Variants in SPTA1 observed in about 807,000 individuals in gnomAD.
SPTA1 encodes the protein spectrin alpha chain, erythrocytic 1.
Under a neutral mutation model 324.7 loss-of-function variants are expected in SPTA1, and 177 were observed. The observed-to-expected ratio is 0.55, with a 90% confidence interval of 0.48 to 0.62. The LOEUF (loss-of-function observed/expected upper bound fraction) is 0.62. Among genes scored for constraint, SPTA1 ranks in the 20% least tolerant of loss-of-function variants. The pLI is 0.00. For synonymous variants in SPTA1, 1,195 were observed against 1,041.3 expected (o/e 1.15, Z -2.84); for missense variants, 3,162 against 2,883.6 (o/e 1.10, Z -2.21).
Position 158,645,325 on chromosome 1 carries a change from C to T in SPTA1, c.4057G>A (p.Ala1353Thr), listed in dbSNP as rs1448728630. Reference protein sequence around the residue: ...PTFQALEDFSAELIDSGHHAS... With the variant: ...PTFQALEDFSTELIDSGHHAS... ...TGGTGCCCACTGTCGATAAGTTCTG[C>T]ACTGAAGTCCTCTAAGGCCTGGAAG... Residue 1353 changes from alanine to threonine, a missense_variant, in exon 29 of 52, where the codon GCA becomes ACA. Transcript: ENST00000643759. 1.2e-6 allele frequency: 2 copies of T among 1,613,926 alleles called. No homozygotes were observed. Among genetic ancestry groups the T allele is most frequent in the Non-Finnish European group, 1.7e-6 (2 of 1,179,978 alleles).
chr1:158,685,287 G>T lies in SPTA1; in HGVS notation c.85C>A (p.Gln29Lys). The T allele has an allele frequency of 6.2e-7, 1 of 1,613,864 alleles. No homozygotes were observed. The highest frequency in any genetic ancestry group is 8.5e-7 in the Non-Finnish European group (1 of 1,179,866). Residue 29 changes from glutamine (Q) to lysine (K), a missense_variant, in exon 2 of 52, where the codon CAG becomes AAG. By Grantham distance (53) the Gln-to-Lys change is moderately conservative. Transcript: ENST00000643759. The part of the protein sequence containing the change: ...ETAEEIQERR[Q>K]EVLTRYQSFK... ...CTTTGATACCGAGTCAACACTTCCTGACGCCTCTCCTGGATCTCTTCTGCT... is the reference window on the plus strand; with the variant it reads ...CTTTGATACCGAGTCAACACTTCCTTACGCCTCTCCTGGATCTCTTCTGCT...
At chr1:158,673,223 TA>T (rs10715247) in intron 10 of SPTA1, among the ~76,000 whole-genome samples, 147,294 of 152,110 alleles carry the variant, frequency 0.97, 71,434 homozygotes, top group East Asian at 1. Flanking sequence ...CTTGTTAAAA[TA>T]AAAAAAAACT....
intron 12 of SPTA1, 22 bp downstream of exon 12, chr1:158,671,321 C>A (rs1435738253): frequency 6.2e-7 from 1 of 1,602,362 alleles, no homozygotes; most frequent in African/African-American, 1.3e-5. Flanking sequence ...AGCCAATGCC[C>A]AAACTAGGGC....
Position 158,651,456 on chromosome 1 carries a change from T to C in SPTA1, c.3388A>G (p.Asn1130Asp), listed in dbSNP as rs761935990. 2 of 1,612,552 alleles carry C rather than the reference T, an allele frequency of 1.2e-6. No homozygotes were observed. Among genetic ancestry groups the C allele is most frequent in the Non-Finnish European group, 1.7e-6 (2 of 1,178,740 alleles). ...FDEFQKDLNTNEPRLRDINKV... is the reference protein window; with the variant it reads ...FDEFQKDLNTDEPRLRDINKV... ...TTGATATCCCTTAGCCGAGGCTCAT[T>C]GGTATTCAAATCCTGAATGGGAAAA... Residue 1130 changes from asparagine to aspartate, a missense_variant, in exon 24 of 52, where the codon AAT (asparagine) becomes GAT (aspartate). Transcript: ENST00000643759.
chr1:158,649,495 C>G (rs1652260164), intron 25 of SPTA1, among the ~76,000 whole-genome samples: 1 of 152,058 alleles, frequency 6.6e-6, no homozygotes, highest in Non-Finnish European at 1.5e-5. Flanking sequence ...CTTTGTTGCC[C>G]AGGTTGGTCT....
At position 158,638,104 on chromosome 1, in the gene SPTA1, G is replaced by A. The variant is rs200945419; in HGVS notation, c.5118C>T (p.His1706=). 3,516 of 1,613,980 alleles carry A rather than the reference G, an allele frequency of 2.2e-3. 5 individuals carry two copies. Among genetic ancestry groups the A allele is most frequent in the Non-Finnish European group, 2.7e-3 (3,142 of 1,179,954 alleles). The part of the protein sequence containing the change: ...LNVQELAAAH[H]EKLKEAYALF... ...AGGCATAGGCCTCTTTCAATTTTTC[G>A]TGGTGTGCAGCTGCCAATTCTTGGA... is the stretch of plus-strand genomic sequence containing the variant. The change falls in exon 36 of 52, where the codon CAC becomes CAT. Residue 1706 remains histidine (H), a synonymous_variant. Coordinates refer to ENST00000643759, the MANE Select transcript of SPTA1 (RefSeq NM_003126.4).
chr1:158,654,854 CTGGCTGGAACCTCTTACG>C, intron 20 of SPTA1, 106 bp from the exon 21 acceptor site: 1 of 1,491,876 alleles, frequency 6.7e-7, no homozygotes, highest in Non-Finnish European at 9.2e-7. Flanking sequence ...AAAAGAGCCT[CTGGCTGGAACCTCTTACG>C]TGGCTGCAGA....
At position 158,676,644 on chromosome 1, in the gene SPTA1, G is replaced by T. The variant is rs192147573; in HGVS notation, c.958-349C>A. Among the ~76,000 whole-genome samples the T allele has an allele frequency of 2.6e-3, 393 of 152,162 alleles. 2 individuals carry two copies. Among genetic ancestry groups the T allele is most frequent in the African/African-American group, 8.4e-3 (349 of 41,524 alleles). ...TCAGCTAGAAAATGTCAGGAGCAAG[G>T]TTCCAAACTAAGTTTTTCCTTCCCC... On this transcript the variant is annotated intron_variant, in intron 7 of 51. Coordinates refer to ENST00000643759, the MANE Select transcript of SPTA1 (RefSeq NM_003126.4).
At chr1:158,678,747 T>C (rs999564351) in intron 5 of SPTA1, among the ~76,000 whole-genome samples, 3 of 152,116 alleles carry the variant, frequency 2.0e-5, no homozygotes, top group African/African-American at 7.2e-5. Context: ...AGATGTTGCA[T>C]CTGTGCCCAC....
At chr1:158,643,546 T>C (rs1264322052) in intron 30 of SPTA1, 121 bp from the exon 31 acceptor site, 10 of 935,658 alleles carry the variant, frequency 1.1e-5, no homozygotes, top group Non-Finnish European at 1.3e-5. Context: ...ATACTCAGGG[T>C]CAAATAATAT....
At chr1:158,678,177 A>AT (rs1654528494) in intron 6 of SPTA1, among the ~76,000 whole-genome samples, 1 of 151,946 alleles carries the variant, frequency 6.6e-6, no homozygotes, top group Non-Finnish European at 1.5e-5. Context: ...TACCAATGCT[A>AT]CTTTTTTAGT....
intron 14 of SPTA1, 53 bp from the exon 15 acceptor site, chr1:158,668,115 A>G: frequency 6.4e-7 from 1 of 1,569,484 alleles, no homozygotes; most frequent in Admixed American, 1.7e-5. Flanking sequence ...AATGAGGGAC[A>G]GAAATTTTGA....
At position 158,686,643 on chromosome 1, in the gene SPTA1, A is replaced by G. The variant is rs201226811; in HGVS notation, c.-126T>C. The G allele has an allele frequency of 1.1e-4, 50 of 436,470 alleles. No individual in the cohort carries two copies. The highest frequency in any genetic ancestry group is 6.0e-4 in the African/African-American group (9 of 14,896). 27.0% of individuals were successfully genotyped at this position (436,470 alleles called of 1,614,324 possible). A position where few individuals can be genotyped will look rare whatever the true frequency, so the allele number is the denominator to read the frequency against. On this transcript the variant is annotated 5_prime_UTR_variant, in exon 1 of 52. Coordinates refer to ENST00000643759, the MANE Select transcript of SPTA1 (RefSeq NM_003126.4). Reference sequence around the variant, plus strand: ...TATAGAAACGTTAAGTATGTGGGGGAAAAAAAAAAACCTCTTGCTTGGTCC... The same window carrying G: ...TATAGAAACGTTAAGTATGTGGGGGGAAAAAAAAAACCTCTTGCTTGGTCC...
chr1:158,649,680 G>A (rs1221656544), intron 25 of SPTA1, among the ~76,000 whole-genome samples, 176 bp downstream of exon 25: 3 of 152,184 alleles, frequency 2.0e-5, no homozygotes, highest in Non-Finnish European at 2.9e-5. Flanking sequence ...CTAGTTGTCT[G>A]GGAGTATCCT....
intron 19 of SPTA1, 151 bp from the exon 20 acceptor site, chr1:158,656,807 A>C (rs1652860711): frequency 4.5e-6 from 3 of 669,234 alleles, no homozygotes; most frequent in Non-Finnish European, 7.8e-6. Flanking sequence ...TAAATTTGCA[A>C]GCATGAAGGA....
chr1:158,676,864 G>A (rs1473181991), intron 7 of SPTA1, among the ~76,000 whole-genome samples: 2 of 152,088 alleles, frequency 1.3e-5, no homozygotes, highest in Non-Finnish European at 2.9e-5. Context: ...ACTATAATCA[G>A]ATGATGTCTA....
In SPTA1 at chr1:158,650,021, C is replaced by T. The variant is rs866375141; in HGVS notation, c.3478-74G>A. 72 of 1,015,564 alleles carry T rather than the reference C, an allele frequency of 7.1e-5. No individual in the cohort carries two copies. The Middle Eastern group carries it at 2.2e-3, about 32-fold the overall frequency. The allele number at this position is 1,015,564 out of a possible 1,614,324, so 62.9% of individuals were successfully genotyped here. Reference sequence around the variant, plus strand: ...GGCTCAGTGGCGTCTGAAGACCAGACAAGATTTAAAACATAGTTGTTTTTA... The same window carrying T: ...GGCTCAGTGGCGTCTGAAGACCAGATAAGATTTAAAACATAGTTGTTTTTA... On this transcript the variant is annotated intron_variant, in intron 24 of 51. Coordinates refer to ENST00000643759, the MANE Select transcript of SPTA1 (RefSeq NM_003126.4).
At position 158,620,164 on chromosome 1, in the gene SPTA1, G is replaced by T. The variant is rs1397451150; in HGVS notation, c.6417+6C>A. On this transcript the variant is annotated splice_donor_region_variant and intron_variant, in intron 44 of 51. Transcript: ENST00000643759. Reference sequence around the variant, plus strand: ...GAAAGGAAGTTTCTGCCGTGTTCCAGGTTACCTCAATGATGTCAGATAGGT... The same window carrying T: ...GAAAGGAAGTTTCTGCCGTGTTCCATGTTACCTCAATGATGTCAGATAGGT... The T allele has an allele frequency of 6.2e-7, 1 of 1,614,094 alleles. No homozygotes were observed. The highest frequency in any genetic ancestry group is 1.1e-5 in the South Asian group (1 of 91,076).
intron 12 of SPTA1, among the ~76,000 whole-genome samples, chr1:158,670,065 G>T (rs1477273248): frequency 6.6e-6 from 1 of 152,166 alleles, no homozygotes; most frequent in East Asian, 1.9e-4. Context: ...ATTTATTCTT[G>T]TCTTCAAGGG....
Sources: allele counts gnomAD v4.1 joint callset (sites outside exome capture counted in the v4.1 genomes callset), GRCh38; gene constraint gnomAD v4.1.1; transcripts MANE v1.5; gene names NCBI Gene and HGNC (gene_info 2026-07-23, HGNC 2026-07-21).